The following PRKN variants were observed in gnomAD, a reference collection of about 807,000 sequenced individuals.
PRKN encodes parkin RBR E3 ubiquitin protein ligase.
A neutral mutation model predicts 59.5 loss-of-function variants in PRKN; 56 were observed. The ratio of observed to expected loss-of-function variants is 0.94; its 90% CI spans 0.76 to 1.18. PRKN has a LOEUF of 1.18. Among genes scored for constraint, PRKN ranks in the 50% most tolerant of loss-of-function variants. PRKN has a pLI of 0.00. For synonymous variants in PRKN, 250 were observed against 222.1 expected (o/e 1.13, Z -1.12); for missense variants, 657 against 596.4 (o/e 1.10, Z -1.06).
At chr6:162,230,351 C>G (rs1276579426) in intron 3 of PRKN, among the ~76,000 whole-genome samples, 1 of 152,180 alleles carries the variant, frequency 6.6e-6, no homozygotes, top group Non-Finnish European at 1.5e-5. Flanking sequence ...GTATACCAAG[C>G]CAGCTCCTTG....
chr6:162,563,499 A>C (rs1021659907), intron 1 of PRKN, among the ~76,000 whole-genome samples: 1 of 152,152 alleles, frequency 6.6e-6, no homozygotes, highest in African/African-American at 2.4e-5. Flanking sequence ...TTAGATCACA[A>C]TACCCAAGTC....
intron 7 of PRKN, among the ~76,000 whole-genome samples, chr6:161,570,142 AAAAAATATAT>A (rs1351513980): frequency 6.1e-5 from 8 of 130,914 alleles, no homozygotes; most frequent in African/African-American, 2.5e-4. Flanking sequence ...AAAAAAAAAA[AAAAAATATAT>A]ATATATATAT....
chr6:162,481,474 G>A (rs191700676), intron 1 of PRKN, among the ~76,000 whole-genome samples: 3 of 152,252 alleles, frequency 2.0e-5, no homozygotes, highest in East Asian at 1.9e-4. Context: ...TTTTGTTAAC[G>A]TATAATGTTT....
chr6:162,291,961 GTTTT>G (rs10550090), intron 2 of PRKN, among the ~76,000 whole-genome samples: 5 of 129,588 alleles, frequency 3.9e-5, no homozygotes, highest in South Asian at 2.5e-4. Flanking sequence ...TATTATTATT[GTTTT>G]TTTTTTTTTT....
At chr6:162,383,372 C>G (rs1008085044) in intron 2 of PRKN, among the ~76,000 whole-genome samples, 1 of 152,198 alleles carries the variant, frequency 6.6e-6, no homozygotes, top group Non-Finnish European at 1.5e-5. Flanking sequence ...ACATTCACCT[C>G]CTTGAACATC....
At chr6:162,611,919 C>T (rs375961906) in intron 1 of PRKN, among the ~76,000 whole-genome samples, 2 of 152,028 alleles carry the variant, frequency 1.3e-5, no homozygotes, top group East Asian at 3.9e-4. Flanking sequence ...GGCGTGGTGG[C>T]TCACGCCTGT....
chr6:162,598,627 C>A (rs1028695321), intron 1 of PRKN, among the ~76,000 whole-genome samples: 4 of 151,878 alleles, frequency 2.6e-5, no homozygotes, highest in Non-Finnish European at 5.9e-5. Context: ...TCGAGGCGGG[C>A]GGATAACCTG....
chr6:162,485,666 T>C (rs1792504073), intron 1 of PRKN, among the ~76,000 whole-genome samples: 1 of 152,184 alleles, frequency 6.6e-6, no homozygotes, highest in African/African-American at 2.4e-5. Context: ...ACAGCTGCTT[T>C]GTACTGACAC....
chr6:161,490,787 G>C (rs1041513154), intron 9 of PRKN, among the ~76,000 whole-genome samples: 1 of 152,108 alleles, frequency 6.6e-6, no homozygotes, highest in African/African-American at 2.4e-5. Context: ...ACTGGATTGT[G>C]GGGGTGGGGT....
At chr6:161,430,814 C>CAAAA (rs35611748) in intron 9 of PRKN, among the ~76,000 whole-genome samples, 10 of 58,332 alleles carry the variant, frequency 1.7e-4, no homozygotes, top group Admixed American at 2.8e-4. Context: ...GACTCCGTCT[C>CAAAA]AAAAAAAAAA....
rs570467479 is a variant in PRKN, at chr6:161,933,940, A to T, written c.734+39362T>A. On this transcript the variant is annotated intron_variant, in intron 6 of 11. Transcript: ENST00000366898. ...GTCTGTCTGTCCTACAGTGCAAATG[A>T]AGTACACCACTTGGAGAGTGAATTG... Among the ~76,000 whole-genome samples the T allele has an allele frequency of 3.3e-5, 5 of 152,364 alleles. No individual in the cohort carries two copies. The East Asian group carries it at 9.6e-4, about 29-fold the overall frequency.
At chr6:162,322,802 C>A (rs545943458) in intron 2 of PRKN, among the ~76,000 whole-genome samples, 2 of 151,898 alleles carry the variant, frequency 1.3e-5, no homozygotes, top group South Asian at 4.2e-4. Flanking sequence ...TTCACAATAG[C>A]AAAGACTTGG....
At chr6:161,892,407 A>T (rs1181329463) in intron 6 of PRKN, among the ~76,000 whole-genome samples, 1 of 151,958 alleles carries the variant, frequency 6.6e-6, no homozygotes, top group African/African-American at 2.4e-5. Context: ...CTCAACCAAA[A>T]AAAAAAATAA....
At chr6:162,057,744 T>A (rs1472912987) in intron 4 of PRKN, among the ~76,000 whole-genome samples, 1 of 152,178 alleles carries the variant, frequency 6.6e-6, no homozygotes, top group African/African-American at 2.4e-5. Flanking sequence ...ATTAGGCAAT[T>A]TAGGTTTTAT....
At chr6:161,521,278 T>G (rs113541369) in intron 9 of PRKN, among the ~76,000 whole-genome samples, 1 of 152,212 alleles carries the variant, frequency 6.6e-6, no homozygotes, top group African/African-American at 2.4e-5. Flanking sequence ...TATATTCATT[T>G]TGCACTATAT....
At chr6:162,423,921 C>A (rs1308800685) in intron 2 of PRKN, among the ~76,000 whole-genome samples, 1 of 152,092 alleles carries the variant, frequency 6.6e-6, no homozygotes, top group Non-Finnish European at 1.5e-5. Flanking sequence ...TTGAACTGAA[C>A]ATTTATTTCC....
chr6:162,289,877 G>A (rs1781348403), intron 2 of PRKN, among the ~76,000 whole-genome samples: 1 of 152,040 alleles, frequency 6.6e-6, no homozygotes, highest in South Asian at 2.1e-4. Context: ...GCAGGAGAAA[G>A]GGAAAGGAAG....
chr6:162,072,374 G>A (rs1778615867), intron 4 of PRKN, among the ~76,000 whole-genome samples: 1 of 152,168 alleles, frequency 6.6e-6, no homozygotes, highest in Admixed American at 6.5e-5. Flanking sequence ...GAGAGAGCTG[G>A]GTTTTAAGCT....
chr6:162,671,103 T>C (rs764165677), intron 1 of PRKN, among the ~76,000 whole-genome samples: 1 of 152,198 alleles, frequency 6.6e-6, no homozygotes, highest in Non-Finnish European at 1.5e-5. Flanking sequence ...AAGCTCTATA[T>C]GTAACACCAG....
Sources: allele counts gnomAD v4.1 joint callset (sites outside exome capture counted in the v4.1 genomes callset), GRCh38; gene constraint gnomAD v4.1.1; transcripts MANE v1.5; gene names NCBI Gene and HGNC (gene_info 2026-07-23, HGNC 2026-07-21).